The following ADAMTS20 variants were observed in gnomAD, a reference collection of about 807,000 sequenced individuals.
ADAMTS20 encodes ADAM metallopeptidase with thrombospondin type 1 motif 20.
In ADAMTS20, 225 loss-of-function variants were observed where a neutral mutation model predicts 260.1. The ratio of observed to expected loss-of-function variants is 0.87; its 90% CI spans 0.78 to 0.97. ADAMTS20 has a LOEUF of 0.97. Ranked by LOEUF, ADAMTS20 falls within the 50% of genes least tolerant of loss-of-function variation. The pLI, the probability that ADAMTS20 is intolerant of heterozygous loss-of-function variation, is 0.00. For missense variants in ADAMTS20, 2,400 were observed against 2,337.7 expected, an observed-to-expected ratio of 1.03 and a Z score of -0.55; for synonymous variants, 802 against 769.5, an observed-to-expected ratio of 1.04 and a Z score of -0.70.
Position 43,373,732 on chromosome 12 carries a change from T to G in ADAMTS20, c.5446+1647A>C, listed in dbSNP as rs1005106313. 2.3e-5 allele frequency among the ~76,000 whole-genome samples: 3 copies of G among 130,080 alleles called. No homozygotes were observed. In the Admixed American group the frequency reaches 2.9e-4, roughly 12 times the overall value. The allele number at this position is 130,080 out of a possible 152,430, so 85.3% of individuals were successfully genotyped here. On this transcript the variant is annotated intron_variant, in intron 36 of 38. Transcript: ENST00000389420. ...TCTCGCTCTGTCGCCCAGGCTGGAG[T>G]GCAGTGGCGCGATCTCGGCTCACTG...
At chr12:43,479,682 A>C (rs543931734) in intron 7 of ADAMTS20, among the ~76,000 whole-genome samples, 1 of 152,206 alleles carries the variant, frequency 6.6e-6, no homozygotes, top group Admixed American at 6.5e-5. Context: ...GGACACAAAA[A>C]AGTGATACCT....
intron 6 of ADAMTS20, among the ~76,000 whole-genome samples, 168 bp downstream of exon 6, chr12:43,492,337 G>A (rs1349703924): frequency 6.6e-6 from 1 of 150,636 alleles, no homozygotes; most frequent in Admixed American, 6.6e-5. Context: ...CCGAGATCGC[G>A]CCACTGCACT....
chr12:43,410,596 G>A (rs1162573938), intron 28 of ADAMTS20, among the ~76,000 whole-genome samples: 1 of 152,136 alleles, frequency 6.6e-6, no homozygotes, highest in East Asian at 1.9e-4. Flanking sequence ...GGAGTCAATA[G>A]GTAAATTTGT....
intron 37 of ADAMTS20, among the ~76,000 whole-genome samples, chr12:43,362,449 T>C (rs1346530416): frequency 6.6e-6 from 1 of 152,038 alleles, no homozygotes; most frequent in Non-Finnish European, 1.5e-5. Flanking sequence ...TGGAAATAAA[T>C]AGGGCTAACC....
At chr12:43,474,416 A>T (rs965098785) in intron 7 of ADAMTS20, among the ~76,000 whole-genome samples, 67 of 151,100 alleles carry the variant, frequency 4.4e-4, no homozygotes, top group African/African-American at 1.5e-3. Context: ...AGGTACAAGG[A>T]GGAACTGGTA....
intron 2 of ADAMTS20, among the ~76,000 whole-genome samples, chr12:43,548,010 T>C (rs1404379627): frequency 1.3e-5 from 2 of 152,194 alleles, no homozygotes; most frequent in Non-Finnish European, 2.9e-5. Flanking sequence ...TAACACGTTA[T>C]AACCCTGTAT....
intron 2 of ADAMTS20, among the ~76,000 whole-genome samples, chr12:43,546,231 G>T (rs1943439321): frequency 2.0e-5 from 3 of 152,156 alleles, no homozygotes; most frequent in South Asian, 2.1e-4. Context: ...AGTCATCAGA[G>T]AGGTAATGCT....
chr12:43,412,668 T>C (rs1328164773), intron 28 of ADAMTS20, among the ~76,000 whole-genome samples: 2 of 152,090 alleles, frequency 1.3e-5, no homozygotes, highest in Admixed American at 1.3e-4. Context: ...ACAGAAGAAA[T>C]GTCCATGAGT....
chr12:43,506,052 A>G (rs568147148), intron 3 of ADAMTS20, among the ~76,000 whole-genome samples: 10 of 152,122 alleles, frequency 6.6e-5, no homozygotes, highest in Non-Finnish European at 1.3e-4. Flanking sequence ...TGAGCCTCCA[A>G]GTTTGAAGCT....
intron 36 of ADAMTS20, among the ~76,000 whole-genome samples, chr12:43,372,579 A>G (rs1940130556): frequency 6.6e-6 from 1 of 152,222 alleles, no homozygotes; most frequent in Non-Finnish European, 1.5e-5. Context: ...GTAGAGGTCA[A>G]GATGATTTGC....
At chr12:43,489,591 A>T (rs565729241) in intron 7 of ADAMTS20, among the ~76,000 whole-genome samples, 1 of 152,136 alleles carries the variant, frequency 6.6e-6, no homozygotes, top group African/African-American at 2.4e-5. Context: ...GAAGATACCC[A>T]GTATTTATAA....
intron 37 of ADAMTS20, among the ~76,000 whole-genome samples, chr12:43,364,033 G>C (rs1245811992): frequency 6.6e-6 from 1 of 152,142 alleles, no homozygotes; most frequent in Non-Finnish European, 1.5e-5. Flanking sequence ...CAGGGAAAGA[G>C]AACTGAAGAA....
intron 38 of ADAMTS20, among the ~76,000 whole-genome samples, chr12:43,355,624 C>CTA (rs1396684295): frequency 6.6e-6 from 1 of 151,946 alleles, no homozygotes; most frequent in Admixed American, 6.6e-5. Context: ...AGTCATAAAA[C>CTA]ATTAGAGTAT....
chr12:43,447,139 T>C (rs1477954919), intron 14 of ADAMTS20, among the ~76,000 whole-genome samples: 3 of 151,778 alleles, frequency 2.0e-5, no homozygotes, highest in Admixed American at 6.6e-5. Context: ...ACTCCTTCTA[T>C]GAGGTCAGCA....
chr12:43,361,631 A>G (rs1196758855), intron 37 of ADAMTS20, among the ~76,000 whole-genome samples: 3 of 152,212 alleles, frequency 2.0e-5, no homozygotes. Context: ...GTTTATAGCT[A>G]TATAACTTTT....
At chr12:43,359,226 G>C (rs1415417750) in intron 37 of ADAMTS20, among the ~76,000 whole-genome samples, 2 of 152,080 alleles carry the variant, frequency 1.3e-5, no homozygotes, top group African/African-American at 2.4e-5. Flanking sequence ...AAAGACCTAG[G>C]AATTCAATAA....
intron 28 of ADAMTS20, among the ~76,000 whole-genome samples, chr12:43,421,280 T>TAAAAAAAAA (rs759627288): frequency 7.4e-5 from 2 of 27,004 alleles, no homozygotes; most frequent in African/African-American, 2.7e-4. Flanking sequence ...AGCTTTCATT[T>TAAAAAAAAA]ACAAAAAAAA....
chr12:43,371,255 T>A (rs1940101291), intron 36 of ADAMTS20, among the ~76,000 whole-genome samples: 1 of 152,216 alleles, frequency 6.6e-6, no homozygotes, highest in Admixed American at 6.5e-5. Flanking sequence ...TTGCCTCTTT[T>A]GTTAACTCAA....
In ADAMTS20 at chr12:43,425,648, T is replaced by C. The variant is rs538889464; in HGVS notation, c.4150A>G (p.Ile1384Val). The part of the protein sequence containing the change: ...CGGGIKSRLV[I>V]CQFPNGQILE... ...ATTTGGCCATTGGGAAATTGACATA[T>C]TACAAGTCTTGATTTTATTCCTCCT... Residue 1384 changes from isoleucine (I) to valine (V), a missense_variant, in exon 28 of 39, where the codon ATA becomes GTA. Coordinates refer to ENST00000389420, the MANE Select transcript of ADAMTS20 (RefSeq NM_025003.5). 1.2e-5 allele frequency: 19 copies of C among 1,608,542 alleles called. No individual in the cohort carries two copies. In the Middle Eastern group the frequency reaches 5.0e-4, roughly 42 times the overall value.
Sources: gnomAD v4.1 joint callset for allele counts (sites outside exome capture counted in the v4.1 genomes callset) on GRCh38, gnomAD v4.1.1 for gene constraint, MANE v1.5 for transcripts, NCBI Gene and HGNC (gene_info 2026-07-23, HGNC 2026-07-21) for gene names.